The following GCC2 variants were observed in gnomAD, a reference collection of about 807,000 sequenced individuals.
The protein encoded by GCC2 is GRIP and coiled-coil domain containing 2, also known as GRIP and coiled-coil domain-containing protein 2.
A neutral mutation model predicts 210.6 loss-of-function variants in GCC2; 120 were observed. The observed-to-expected ratio is 0.57, with a 90% CI of 0.49 to 0.66. The LOEUF (loss-of-function observed/expected upper bound fraction) is 0.66. Among genes scored for constraint, GCC2 ranks in the 30% least tolerant of loss-of-function variants. The probability of loss-of-function intolerance (pLI) is 0.00; values close to 1 mark genes in which losing one functional copy is unlikely to be tolerated. For missense variants in GCC2, 1,868 were observed against 1,871.9 expected (o/e 1.00, Z 0.04); for synonymous variants, 703 against 652.7 (o/e 1.08, Z -1.17).
chr2:108,449,248 T>A lies in GCC2; in HGVS notation c.-27T>A. 6.5e-7 allele frequency: 1 copy of A among 1,548,690 alleles called. No individual in the cohort carries two copies. Among genetic ancestry groups the A allele is most frequent in the Non-Finnish European group, 8.7e-7 (1 of 1,144,984 alleles). Reference sequence around the variant, plus strand: ...GAAGTGCAGCGGTGGCGGCGGCTGGTTGCGGGCCGGCGGCGGGCTGGCGGA... The same window carrying A: ...GAAGTGCAGCGGTGGCGGCGGCTGGATGCGGGCCGGCGGCGGGCTGGCGGA... On this transcript the variant is annotated 5_prime_UTR_variant, in exon 1 of 23. The change creates a new upstream start codon in the 5' untranslated region. Coordinates refer to ENST00000309863, the MANE Select transcript of GCC2 (RefSeq NM_181453.4).
rs113976191 is a variant in GCC2, at chr2:108,482,870, C to T, written c.3346-192C>T. Among the ~76,000 whole-genome samples, 643 of 152,096 alleles carry T rather than the reference C, an allele frequency of 4.2e-3. 1 individual carries two copies. Among genetic ancestry groups the T allele is most frequent in the African/African-American group, 0.012 (491 of 41,494 alleles). ...TTTCCGTGTGTATTTTTAGTGGAGACGGGGTTTCACTGTGTTAGCCAGGAT... is the reference window on the plus strand; with the variant it reads ...TTTCCGTGTGTATTTTTAGTGGAGATGGGGTTTCACTGTGTTAGCCAGGAT... On this transcript the variant is annotated intron_variant, in intron 11 of 22. Coordinates refer to ENST00000309863, the MANE Select transcript of GCC2 (RefSeq NM_181453.4).
At chr2:108,464,867 T>G (rs753098381) in intron 4 of GCC2, among the ~76,000 whole-genome samples, 6 of 152,174 alleles carry the variant, frequency 3.9e-5, no homozygotes, top group Non-Finnish European at 7.3e-5. Flanking sequence ...TGACATCTGC[T>G]TGGCTTCTAG....
Position 108,484,090 on chromosome 2 carries a change from A to T in GCC2, c.3451-59A>T, listed in dbSNP as rs896604323. On this transcript the variant is annotated intron_variant, in intron 12 of 22. Transcript: ENST00000309863. ...TTTAGCAATTTTACAAATGAAAAAA[A>T]AAATTTACAAATGAACTGATCTACT... 6 of 1,225,050 alleles carry T rather than the reference A, an allele frequency of 4.9e-6. 1 individual carries two copies. The highest frequency in any genetic ancestry group is 2.6e-4 in the Middle Eastern group (1 of 3,874). 75.9% of individuals were successfully genotyped at this position (1,225,050 alleles called of 1,614,324 possible).
rs571198768 is a variant in GCC2, at chr2:108,484,037, A to G, written c.3451-112A>G. The G allele has an allele frequency of 1.4e-4, 75 of 544,698 alleles. 1 individual carries two copies. The East Asian group carries it at 2.3e-3, about 17-fold the overall frequency. The allele number at this position is 544,698 out of a possible 1,614,324, so 33.7% of individuals were successfully genotyped here. A position where few individuals can be genotyped will look rare whatever the true frequency, so the allele number is the denominator to read the frequency against. On this transcript the variant is annotated intron_variant, in intron 12 of 22. Coordinates refer to ENST00000309863, the MANE Select transcript of GCC2 (RefSeq NM_181453.4). ...TGTAAACAATTTCAGTATTACAGAA[A>G]AGCACCCATTTATTGCTGTGGCATC...
intron 22 of GCC2, 46 bp from the exon 23 acceptor site, chr2:108,507,514 C>G (rs200602558): frequency 7.2e-7 from 1 of 1,394,002 alleles, no homozygotes; most frequent in Admixed American, 2.1e-5. Flanking sequence ...TTAATACTCT[C>G]TTTTTTCTTT....
rs1381340267 is a variant in GCC2 at position 108,471,597 on chromosome 2, A to G, written c.2268A>G (p.Lys756=). Residue 756 remains lysine, a synonymous_variant, in exon 6 of 23, where the codon AAA becomes AAG. Coordinates refer to ENST00000309863, the MANE Select transcript of GCC2 (RefSeq NM_181453.4). ...ENEQVQKLFV[K]TQLYGFLKEM... is the part of the protein sequence containing the mutation. ...AGCAAGTTCAGAAGTTATTTGTTAAAACTCAGTTGTATGGTTTTCTTAAAG... is the reference window on the plus strand; with the variant it reads ...AGCAAGTTCAGAAGTTATTTGTTAAGACTCAGTTGTATGGTTTTCTTAAAG... 1 of 1,612,702 alleles carries G rather than the reference A, an allele frequency of 6.2e-7. No individual in the cohort carries two copies. Among genetic ancestry groups the G allele is most frequent in the South Asian group, 1.1e-5 (1 of 90,620 alleles).
intron 4 of GCC2, among the ~76,000 whole-genome samples, chr2:108,457,194 T>C (rs1680320079): frequency 6.6e-6 from 1 of 152,178 alleles, no homozygotes; most frequent in African/African-American, 2.4e-5. Flanking sequence ...CTCACTTTCA[T>C]TCTTCTGCAT....
intron 4 of GCC2, among the ~76,000 whole-genome samples, chr2:108,458,577 T>C (rs979183814): frequency 2.0e-5 from 3 of 152,048 alleles, no homozygotes; most frequent in South Asian, 4.1e-4. Context: ...GGGGAGACTT[T>C]TTATTACTGA....
chr2:108,507,251 G>A (rs1467263534), intron 22 of GCC2, among the ~76,000 whole-genome samples: 1 of 151,908 alleles, frequency 6.6e-6, no homozygotes, highest in Non-Finnish European at 1.5e-5. Flanking sequence ...AAATTACCCA[G>A]GCATGGTGGC....
intron 18 of GCC2, among the ~76,000 whole-genome samples, chr2:108,492,000 G>C (rs1682424831): frequency 6.6e-6 from 1 of 151,916 alleles, no homozygotes; most frequent in Non-Finnish European, 1.5e-5. Flanking sequence ...TTTTCAACAA[G>C]GTATTCCAGT....
chr2:108,468,660 G>T (rs1681029437), intron 4 of GCC2, among the ~76,000 whole-genome samples: 2 of 152,126 alleles, frequency 1.3e-5, no homozygotes, highest in Middle Eastern at 3.2e-3. Context: ...AACAATATCT[G>T]TTGCCTCCAA....
intron 3 of GCC2, among the ~76,000 whole-genome samples, chr2:108,452,010 A>C (rs1679974455): frequency 6.6e-6 from 1 of 151,992 alleles, no homozygotes; most frequent in African/African-American, 2.4e-5. Context: ...TGCCTGGCTA[A>C]TTTTTGTATT....
chr2:108,498,269 C>A (rs572164063), intron 21 of GCC2, among the ~76,000 whole-genome samples: 1 of 128,048 alleles, frequency 7.8e-6, no homozygotes, highest in Non-Finnish European at 1.6e-5. Context: ...AATCTCAGCT[C>A]ACTGCAATCT....
At chr2:108,493,490 G>A (rs766257367) in intron 19 of GCC2, 173 of 986,578 alleles carry the variant, frequency 1.8e-4, no homozygotes, top group Non-Finnish European at 2.0e-4. Context: ...GATAGAGCAA[G>A]GAACTTAGAA....
Position 108,452,608 on chromosome 2 carries a change from AAG to A in GCC2, c.216+145_216+146del, listed in dbSNP as rs1680004356. 1.7e-5 allele frequency: 11 copies of A among 634,332 alleles called. No homozygotes were observed. In the East Asian group the frequency reaches 2.7e-4, roughly 15 times the overall value. 39.3% of individuals were successfully genotyped at this position (634,332 alleles called of 1,614,324 possible). On this transcript the variant is annotated intron_variant, in intron 4 of 22. Transcript: ENST00000309863. ...TTTTACCTATCTGATTCACTGTAAAAAGAGGGGGTTAATGACCTCTGGGTCTC... is the reference window on the plus strand; with the variant it reads ...TTTTACCTATCTGATTCACTGTAAAAAGGGGGTTAATGACCTCTGGGTCTC...
chr2:108,450,881 C>T (rs12468089), intron 2 of GCC2, 147 bp from the exon 3 acceptor site: 236,170 of 572,824 alleles, frequency 0.41, 45,654 homozygotes, highest in East Asian at 0.77. Flanking sequence ...GACTCTGTCT[C>T]AAAAAAAAAA....
Position 108,486,138 on chromosome 2 carries a change from A to T in GCC2, c.3792+230A>T, listed in dbSNP as rs553869090. On this transcript the variant is annotated intron_variant, in intron 15 of 22. Coordinates refer to ENST00000309863, the MANE Select transcript of GCC2 (RefSeq NM_181453.4). ...TCATAATATACTATAGAATAGTGCA[A>T]AATAAAATAAGCCTGCATCTGAACT... Among the ~76,000 whole-genome samples the T allele has an allele frequency of 2.6e-5, 4 of 152,314 alleles. No individual in the cohort carries two copies. The East Asian group carries it at 7.7e-4, about 29-fold the overall frequency.
At chr2:108,481,871 A>C in intron 10 of GCC2, 55 bp downstream of exon 10, 678 of 1,284,028 alleles carry the variant, frequency 5.3e-4, no homozygotes, top group Middle Eastern at 7.8e-4. Context: ...TTTTAATCTC[A>C]ATACTTTTTG....
chr2:108,507,433 A>G, intron 22 of GCC2, 127 bp from the exon 23 acceptor site: 1 of 367,706 alleles, frequency 2.7e-6, no homozygotes, highest in Non-Finnish European at 5.0e-6. Flanking sequence ...AAGGCATGTA[A>G]TCAGTAAAAA....
Sources: allele counts gnomAD v4.1 joint callset (sites outside exome capture counted in the v4.1 genomes callset), GRCh38; gene constraint gnomAD v4.1.1; transcripts MANE v1.5; gene names NCBI Gene and HGNC (gene_info 2026-07-23, HGNC 2026-07-21).